Variants in FGF14 observed in about 807,000 individuals in gnomAD.
FGF14 encodes fibroblast growth factor 14.
A neutral mutation model predicts 25.5 loss-of-function variants in FGF14; 5 were observed. The observed-to-expected ratio is 0.20, with a 90% CI of 0.10 to 0.41. The LOEUF is 0.41. Among genes scored for constraint, FGF14 ranks in the 10% least tolerant of loss-of-function variants. The pLI, the probability that FGF14 is intolerant of heterozygous loss-of-function variation, is 1.00. For missense variants in FGF14, 222 were observed against 320.1 expected (o/e 0.69, Z 2.34); for synonymous variants, 138 against 118.3 (o/e 1.17, Z -1.08).
chr13:102,222,800 G>A (rs965942001), intron 1 of FGF14, among the ~76,000 whole-genome samples: 2 of 152,076 alleles, frequency 1.3e-5, no homozygotes, highest in Non-Finnish European at 2.9e-5. Flanking sequence ...TCTAATCAAT[G>A]TCCTTCTCGA....
chr13:102,154,057 G>A (rs375463908), intron 1 of FGF14, among the ~76,000 whole-genome samples: 5 of 152,230 alleles, frequency 3.3e-5, no homozygotes, highest in South Asian at 4.1e-4. Flanking sequence ...AGTTTAGCTC[G>A]TATTCTATAT....
rs2034860596 is a variant in FGF14, at chr13:101,719,784, T to C, written c.*3047A>G. On this transcript the variant is annotated 3_prime_UTR_variant, in exon 5 of 5. Coordinates refer to ENST00000376143, the MANE Select transcript of FGF14 (RefSeq NM_004115.4). ...ACAAAACACACAGTCTAAATACAAA[T>C]GAATTCCATCAGATTTACTATACGG... The C allele has an allele frequency of 1.3e-5, 2 of 152,010 alleles. No homozygotes were observed. The highest frequency in any genetic ancestry group is 1.3e-4 in the Admixed American group (2 of 15,238). The allele number at this position is 152,010 out of a possible 1,614,324, so 9.4% of individuals were successfully genotyped here. A position where few individuals can be genotyped will look rare whatever the true frequency, so the allele number is the denominator to read the frequency against.
chr13:102,039,262 C>A (rs2041617906), intron 1 of FGF14, among the ~76,000 whole-genome samples: 1 of 152,150 alleles, frequency 6.6e-6, no homozygotes, highest in Non-Finnish European at 1.5e-5. Context: ...AGATAACTTT[C>A]TTTTTCTTTC....
intron 3 of FGF14, among the ~76,000 whole-genome samples, chr13:101,828,629 G>A (rs970615305): frequency 2.0e-5 from 3 of 151,810 alleles, no homozygotes; most frequent in East Asian, 1.9e-4. Flanking sequence ...ATATGCACAC[G>A]GCTAGCACTG....
chr13:102,376,577 A>G (rs146164868), intron 1 of FGF14, among the ~76,000 whole-genome samples: 36 of 152,268 alleles, frequency 2.4e-4, no homozygotes, highest in African/African-American at 8.2e-4. Flanking sequence ...AGTATACACA[A>G]TGGTCTGGTC....
intron 1 of FGF14, among the ~76,000 whole-genome samples, chr13:102,157,969 A>G (rs190010580): frequency 1.3e-5 from 2 of 152,340 alleles, no homozygotes; most frequent in Admixed American, 6.5e-5. Context: ...AACCATAATG[A>G]GATACCATCT....
chr13:102,290,786 G>A lies in FGF14; in HGVS notation c.208+110685C>T, dbSNP rs72647465. Among the ~76,000 whole-genome samples the A allele has an allele frequency of 6.9e-3, 1,047 of 152,210 alleles. 6 individuals are homozygous for A. The highest frequency in any genetic ancestry group is 0.01 in the Non-Finnish European group (694 of 68,016). On this transcript the variant is annotated intron_variant, in intron 1 of 4. Coordinates refer to the FGF14 transcript ENST00000376131. ...CCTACCAGAGCAGATTTATTGCTGC[G>A]TCCCTCCACAATCCTTAAAATCATA...
chr13:102,037,915 T>C (rs1349452040), intron 1 of FGF14, among the ~76,000 whole-genome samples: 1 of 152,100 alleles, frequency 6.6e-6, no homozygotes, highest in African/African-American at 2.4e-5. Flanking sequence ...AAACTCCATG[T>C]TAATTCCCCC....
intron 1 of FGF14, among the ~76,000 whole-genome samples, chr13:102,166,395 C>A (rs1409628743): frequency 1.3e-5 from 2 of 151,908 alleles, no homozygotes; most frequent in Admixed American, 1.3e-4. Context: ...CTTTCTCCGT[C>A]ATTAACAGAC....
At chr13:102,118,973 A>T (rs1190214800) in intron 1 of FGF14, among the ~76,000 whole-genome samples, 1 of 152,164 alleles carries the variant, frequency 6.6e-6, no homozygotes, top group Non-Finnish European at 1.5e-5. Flanking sequence ...AATTTAGAAG[A>T]ATGATAGACT....
At chr13:102,330,667 T>C (rs987991356) in intron 1 of FGF14, among the ~76,000 whole-genome samples, 10 of 152,178 alleles carry the variant, frequency 6.6e-5, no homozygotes, top group African/African-American at 2.4e-4. Flanking sequence ...ATGCCTTTGC[T>C]GCAAGGTGAC....
At chr13:101,822,048 CT>C (rs1406022259) in intron 3 of FGF14, among the ~76,000 whole-genome samples, 1 of 152,068 alleles carries the variant, frequency 6.6e-6, no homozygotes, top group Non-Finnish European at 1.5e-5. Flanking sequence ...GTGAATAGTG[CT>C]TTTAACATAC....
chr13:102,042,331 T>A (rs2041781866), intron 1 of FGF14, among the ~76,000 whole-genome samples: 1 of 152,166 alleles, frequency 6.6e-6, no homozygotes. Flanking sequence ...ATTAGTACAA[T>A]CTACTCAGCT....
rs2034668917 is a variant in FGF14 at position 101,715,327 on chromosome 13, G to T, written c.*7504C>A. On this transcript the variant is annotated 3_prime_UTR_variant, in exon 5 of 5. Transcript: ENST00000376143. ...TAAAAGCCTAGCTGGAGTGATACAG[G>T]ATGGTGACTATCTGATCGGTAAAGG... The T allele has an allele frequency of 2.1e-6, 1 of 484,718 alleles. No homozygotes were observed. Among genetic ancestry groups the T allele is most frequent in the African/African-American group, 2.0e-5 (1 of 51,194 alleles). 30.0% of individuals were successfully genotyped at this position (484,718 alleles called of 1,614,324 possible). A position where few individuals can be genotyped will look rare whatever the true frequency, so the allele number is the denominator to read the frequency against.
chr13:102,303,133 A>G (rs1441717066), intron 1 of FGF14, among the ~76,000 whole-genome samples: 3 of 152,112 alleles, frequency 2.0e-5, no homozygotes, highest in Non-Finnish European at 4.4e-5. Context: ...GAATGCTCCC[A>G]CCTCGGCATC....
At chr13:102,132,013 TTTTTG>T (rs894103880) in intron 1 of FGF14, among the ~76,000 whole-genome samples, 9 of 152,144 alleles carry the variant, frequency 5.9e-5, no homozygotes, top group African/African-American at 1.9e-4. Flanking sequence ...AAATAAGTTT[TTTTTG>T]TTTTGTTTTG....
intron 3 of FGF14, among the ~76,000 whole-genome samples, chr13:101,815,650 AGGG>A (rs201229002): frequency 0.049 from 7,407 of 152,180 alleles, 597 homozygotes; most frequent in African/African-American, 0.17. Context: ...ATGACTTAAA[AGGG>A]ATCTCCTCCT....
intron 1 of FGF14, 109 bp from the exon 2 acceptor site, chr13:101,875,405 C>A: frequency 1.3e-6 from 1 of 759,542 alleles, no homozygotes. Context: ...ATACAAGTAG[C>A]ATATTTTATT....
intron 3 of FGF14, among the ~76,000 whole-genome samples, chr13:101,781,151 T>A (rs1426618252): frequency 6.7e-6 from 1 of 148,314 alleles, no homozygotes; most frequent in African/African-American, 2.5e-5. Flanking sequence ...TCTCTCTCTC[T>A]CACTCACTCA....
Sources: allele counts gnomAD v4.1 joint callset (sites outside exome capture counted in the v4.1 genomes callset), GRCh38; gene constraint gnomAD v4.1.1; transcripts MANE v1.5; gene names NCBI Gene and HGNC (gene_info 2026-07-23, HGNC 2026-07-21).